ZC3H13: variants seen among roughly 807,000 people sequenced by gnomAD.
ZC3H13 encodes zinc finger CCCH-type containing 13, also known as zinc finger CCCH domain-containing protein 13.
In ZC3H13, 64 loss-of-function variants were observed where a neutral mutation model predicts 204.1. The observed-to-expected ratio is 0.31, with a 90% confidence interval of 0.26 to 0.39. ZC3H13 has a LOEUF of 0.39. Ranked by LOEUF, ZC3H13 falls within the 10% of genes least tolerant of loss-of-function variation. The probability of loss-of-function intolerance (pLI) is 1.00; values close to 1 mark genes in which losing one functional copy is unlikely to be tolerated. For synonymous variants in ZC3H13, 667 were observed against 693.7 expected (o/e 0.96, Z 0.60); for missense variants, 1,833 against 2,082.7 (o/e 0.88, Z 2.33).
intron 3 of ZC3H13, among the ~76,000 whole-genome samples, chr13:46,043,967 CAT>C (rs2043765691): frequency 6.6e-6 from 1 of 151,848 alleles, no homozygotes; most frequent in South Asian, 2.1e-4. Context: ...AGTAAACACA[CAT>C]ATACAATAAA....
rs747191785 is a variant in ZC3H13, at chr13:45,985,599, G to T, written c.1418C>A (p.Ser473Tyr). 8 of 1,613,746 alleles carry T rather than the reference G, an allele frequency of 5.0e-6. No individual in the cohort carries two copies. The highest frequency in any genetic ancestry group is 5.9e-6 in the Non-Finnish European group (7 of 1,179,976). Residue 473 changes from serine to tyrosine, a missense_variant, in exon 10 of 19, where the codon TCC becomes TAC. Ser to Tyr is a moderately radical substitution (Grantham distance 144). Coordinates refer to ENST00000679008, the MANE Select transcript of ZC3H13 (RefSeq NM_001330564.2). ...DTRDRRELRDSRDMRDSREMR... is the reference protein window; with the variant it reads ...DTRDRRELRDYRDMRDSREMR... ...CTCCCTTGAGTCCCGCATGTCTCTG[G>T]AGTCTCTTAGTTCCCTTCGGTCCCT...
intron 8 of ZC3H13, among the ~76,000 whole-genome samples, chr13:45,997,330 G>C (rs1001781613): frequency 6.6e-6 from 1 of 152,202 alleles, no homozygotes; most frequent in Non-Finnish European, 1.5e-5. Context: ...TGGGAGGAAA[G>C]TACTCAAATC....
At chr13:45,995,743 C>T (rs1335147484) in intron 8 of ZC3H13, among the ~76,000 whole-genome samples, 1 of 152,206 alleles carries the variant, frequency 6.6e-6, no homozygotes, top group Non-Finnish European at 1.5e-5. Flanking sequence ...TGAGGCCCCA[C>T]CAGCAGCAGA....
At chr13:46,043,158 T>G (rs2043705871) in intron 3 of ZC3H13, among the ~76,000 whole-genome samples, 1 of 151,940 alleles carries the variant, frequency 6.6e-6, no homozygotes, top group Non-Finnish European at 1.5e-5. Flanking sequence ...CCTCTTTGAC[T>G]ACCAAAAAGT....
chr13:45,967,451 C>T (rs1474654797), intron 15 of ZC3H13, 53 bp downstream of exon 15: 18 of 1,477,102 alleles, frequency 1.2e-5, no homozygotes, highest in African/African-American at 8.5e-5. Flanking sequence ...TTGTTTCCCA[C>T]GAAATCTGAA....
intron 4 of ZC3H13, among the ~76,000 whole-genome samples, chr13:46,020,942 C>G (rs2042183983): frequency 6.6e-6 from 1 of 151,914 alleles, no homozygotes; most frequent in Non-Finnish European, 1.5e-5. Flanking sequence ...CACGTGAAAA[C>G]CACTGGGGAA....
At chr13:45,972,034 T>C (rs1444332301) in intron 12 of ZC3H13, among the ~76,000 whole-genome samples, 1 of 152,036 alleles carries the variant, frequency 6.6e-6, no homozygotes, top group Non-Finnish European at 1.5e-5. Flanking sequence ...GAAAAGGGAA[T>C]GCTTATTCAC....
intron 1 of ZC3H13, 69 bp from the exon 2 acceptor site, chr13:46,045,585 A>C: frequency 1.9e-6 from 2 of 1,042,516 alleles, no homozygotes; most frequent in Non-Finnish European, 3.0e-6. Context: ...CCCACAGCTT[A>C]CAAGTAGATA....
intron 17 of ZC3H13, among the ~76,000 whole-genome samples, chr13:45,960,805 C>T (rs1808648353): frequency 6.6e-6 from 1 of 152,178 alleles, no homozygotes; most frequent in Middle Eastern, 3.4e-3. Context: ...GCAGTAAACG[C>T]CTGGGTAAAA....
intron 4 of ZC3H13, among the ~76,000 whole-genome samples, chr13:46,034,905 C>T (rs7331032): frequency 0.75 from 113,541 of 151,556 alleles, 42,998 homozygotes; most frequent in African/African-American, 0.85. Flanking sequence ...CAGATGGTCA[C>T]TAGAAATATT....
chr13:46,003,357 TCA>T, intron 7 of ZC3H13, 21 bp from the exon 8 acceptor site: 1 of 1,592,992 alleles, frequency 6.3e-7, no homozygotes. Flanking sequence ...CAAAAAGCTA[TCA>T]TTAGAGGTTC....
chr13:46,034,717 A>C (rs1182388071), intron 4 of ZC3H13, among the ~76,000 whole-genome samples: 5 of 152,142 alleles, frequency 3.3e-5, no homozygotes, highest in Non-Finnish European at 7.3e-5. Context: ...AAATGGGTGC[A>C]TTTCAATGTT....
chr13:46,017,977 CTT>C (rs1325009834), intron 5 of ZC3H13, among the ~76,000 whole-genome samples: 1 of 152,060 alleles, frequency 6.6e-6, no homozygotes, highest in Non-Finnish European at 1.5e-5. Context: ...ATAAAAGGCT[CTT>C]GAAATAAAAT....
chr13:46,007,010 G>T (rs1049130790), intron 7 of ZC3H13, among the ~76,000 whole-genome samples: 1 of 151,600 alleles, frequency 6.6e-6, no homozygotes, highest in African/African-American at 2.4e-5. Flanking sequence ...TGTATTTCTG[G>T]ATACTTTTCT....
chr13:46,026,538 T>C (rs1482450668), intron 4 of ZC3H13, among the ~76,000 whole-genome samples: 1 of 151,524 alleles, frequency 6.6e-6, no homozygotes, highest in Non-Finnish European at 1.5e-5. Flanking sequence ...GGGTGGAAAA[T>C]TGAGAAAAAG....
At chr13:45,998,982 T>C (rs1483522502) in intron 8 of ZC3H13, among the ~76,000 whole-genome samples, 2 of 152,242 alleles carry the variant, frequency 1.3e-5, no homozygotes, top group African/African-American at 4.8e-5. Context: ...GGCTCAAGCC[T>C]ATAACTACAA....
intron 8 of ZC3H13, among the ~76,000 whole-genome samples, chr13:46,000,675 C>T (rs9567603): frequency 0.99 from 150,304 of 152,354 alleles, 74,180 homozygotes; most frequent in East Asian, 1. Flanking sequence ...TGCTTTCTTC[C>T]CATTCATGTG....
At chr13:46,028,990 G>A (rs2042711217) in intron 4 of ZC3H13, among the ~76,000 whole-genome samples, 1 of 152,042 alleles carries the variant, frequency 6.6e-6, no homozygotes, top group Non-Finnish European at 1.5e-5. Context: ...AAATTCAATA[G>A]AGAAAAATTA....
At chr13:46,028,919 GT>G (rs1240933376) in intron 4 of ZC3H13, among the ~76,000 whole-genome samples, 2 of 151,900 alleles carry the variant, frequency 1.3e-5, no homozygotes, top group Non-Finnish European at 2.9e-5. Flanking sequence ...TAAACCCAAA[GT>G]AAGCAGAAGA....
Sources: allele counts gnomAD v4.1 joint callset (sites outside exome capture counted in the v4.1 genomes callset), GRCh38; gene constraint gnomAD v4.1.1; transcripts MANE v1.5; gene names NCBI Gene and HGNC (gene_info 2026-07-23, HGNC 2026-07-21).